REDIC1: variants seen among roughly 807,000 people sequenced by gnomAD.
REDIC1 encodes HEI10 Interacting Protein 1.
chr12:39,744,781 G>T, the REDIC1 span, among the ~76,000 whole-genome samples: 8 of 152,118 alleles, frequency 5.3e-5, no homozygotes, highest in Non-Finnish European at 7.4e-5. Flanking sequence ...AAAAAAGGTG[G>T]AAGACAATAA....
the REDIC1 span, among the ~76,000 whole-genome samples, chr12:39,694,951 C>T: frequency 1.3e-5 from 2 of 152,102 alleles, no homozygotes; most frequent in African/African-American, 4.8e-5. Context: ...CATGATGCCC[C>T]CTTTCCAGGC....
the REDIC1 span, among the ~76,000 whole-genome samples, chr12:39,696,325 C>T: frequency 3.3e-5 from 5 of 151,274 alleles, no homozygotes; most frequent in African/African-American, 9.7e-5. Flanking sequence ...GGGCGGATCA[C>T]GAGGTCAGGA....
chr12:39,758,095 T>C, the REDIC1 span: 1 of 151,576 alleles, frequency 6.6e-6, no homozygotes, highest in East Asian at 1.9e-4. Context: ...ATATCTGCTT[T>C]TCTGAGGAAA....
At chr12:39,684,170 T>C in the REDIC1 span, 3 of 1,029,654 alleles carry the variant, frequency 2.9e-6, no homozygotes, top group Non-Finnish European at 3.5e-6. Flanking sequence ...ACTCATCCAT[T>C]ATGTGTTGAT....
the REDIC1 span, chr12:39,871,975 A>C: frequency 2.6e-6 from 4 of 1,552,456 alleles, no homozygotes; most frequent in Non-Finnish European, 2.6e-6. Context: ...CAAAGCAATG[A>C]ATAAAACAAT....
the REDIC1 span, among the ~76,000 whole-genome samples, chr12:39,828,918 A>G: frequency 2.0e-5 from 3 of 152,112 alleles, no homozygotes; most frequent in Non-Finnish European, 4.4e-5. Context: ...TAATTAGTAT[A>G]TTTAAAATGT....
the REDIC1 span, among the ~76,000 whole-genome samples, chr12:39,656,257 C>T: frequency 2.6e-5 from 4 of 152,152 alleles, no homozygotes; most frequent in East Asian, 1.9e-4. Context: ...GTATAGAAAG[C>T]ATATACAGTT....
chr12:39,642,218 G>A, the REDIC1 span, among the ~76,000 whole-genome samples: 1 of 151,760 alleles, frequency 6.6e-6, no homozygotes, highest in East Asian at 1.9e-4. Context: ...TTCTTTCTTG[G>A]AACAGATATT....
the REDIC1 span, among the ~76,000 whole-genome samples, chr12:39,747,308 C>T: frequency 6.6e-6 from 1 of 152,094 alleles, no homozygotes; most frequent in Admixed American, 6.5e-5. Context: ...ATTTGATCAA[C>T]TGGAAGAAAG....
chr12:39,729,584 T>C, the REDIC1 span, among the ~76,000 whole-genome samples: 1 of 152,220 alleles, frequency 6.6e-6, no homozygotes, highest in African/African-American at 2.4e-5. Context: ...TCCAATTATA[T>C]GGTCAATTTT....
the REDIC1 span, among the ~76,000 whole-genome samples, chr12:39,666,076 G>T: frequency 1.3e-5 from 2 of 152,022 alleles, no homozygotes; most frequent in South Asian, 2.1e-4. Flanking sequence ...CTGCCTAATT[G>T]CCCTGGCCAG....
At chr12:39,727,375 C>G in the REDIC1 span, among the ~76,000 whole-genome samples, 1 of 152,128 alleles carries the variant, frequency 6.6e-6, no homozygotes, top group African/African-American at 2.4e-5. Context: ...ATATGGCTAG[C>G]CAGTTTTCAC....
the REDIC1 span, among the ~76,000 whole-genome samples, chr12:39,778,726 C>T: frequency 1.3e-5 from 2 of 152,114 alleles, no homozygotes; most frequent in African/African-American, 4.8e-5. Flanking sequence ...CATGAGTATA[C>T]ATACATTGCC....
the REDIC1 span, among the ~76,000 whole-genome samples, chr12:39,860,901 A>G: frequency 6.6e-6 from 1 of 152,164 alleles, no homozygotes; most frequent in African/African-American, 2.4e-5. Context: ...ACAGTTTAGA[A>G]TTCAAAATGT....
At chr12:39,878,105 C>A in the REDIC1 span, among the ~76,000 whole-genome samples, 2 of 152,174 alleles carry the variant, frequency 1.3e-5, no homozygotes, top group African/African-American at 2.4e-5. Flanking sequence ...GATGCCAGCA[C>A]CACTCTTCCT....
the REDIC1 span, among the ~76,000 whole-genome samples, chr12:39,790,377 C>G: frequency 4.9e-5 from 6 of 121,924 alleles, no homozygotes; most frequent in South Asian, 1.6e-3. Context: ...CCCCTCCCCC[C>G]ACCCCACCAC....
At chr12:39,849,667 T>A in the REDIC1 span, among the ~76,000 whole-genome samples, 1 of 152,192 alleles carries the variant, frequency 6.6e-6, no homozygotes, top group Admixed American at 6.5e-5. Flanking sequence ...TCTGACAGGA[T>A]AATTACCAAG....
the REDIC1 span, among the ~76,000 whole-genome samples, chr12:39,789,393 T>G: frequency 6.6e-6 from 1 of 152,176 alleles, no homozygotes; most frequent in Admixed American, 6.5e-5. Flanking sequence ...CAGTTTATTT[T>G]GAGTGCATCA....
the REDIC1 span, among the ~76,000 whole-genome samples, chr12:39,753,180 G>C: frequency 6.6e-6 from 1 of 152,126 alleles, no homozygotes; most frequent in Non-Finnish European, 1.5e-5. Flanking sequence ...TTAGTTTTTG[G>C]AGGTGCAGTG....
Sources: gnomAD v4.1 joint callset for allele counts (sites outside exome capture counted in the v4.1 genomes callset) on GRCh38, gnomAD v4.1.1 for gene constraint, MANE v1.5 for transcripts, NCBI Gene and HGNC (gene_info 2026-07-23, HGNC 2026-07-21) for gene names.